CDH4: variants seen among roughly 807,000 people sequenced by gnomAD.
CDH4 encodes cadherin-4.
In CDH4, 33 loss-of-function variants were observed where a neutral mutation model predicts 86.0. The ratio of observed to expected loss-of-function variants is 0.38; its 90% CI spans 0.29 to 0.51. The LOEUF (loss-of-function observed/expected upper bound fraction) is 0.51. Among genes scored for constraint, CDH4 ranks in the 20% least tolerant of loss-of-function variants. The probability of loss-of-function intolerance (pLI) is 0.86; values close to 1 mark genes in which losing one functional copy is unlikely to be tolerated. For synonymous variants in CDH4, 555 were observed against 549.4 expected (o/e 1.01, Z -0.14); for missense variants, 1,114 against 1,307.4 (o/e 0.85, Z 2.28).
At chr20:61,276,535 G>A (rs191469294) in intron 2 of CDH4, among the ~76,000 whole-genome samples, 170 of 152,288 alleles carry the variant, frequency 1.1e-3, no homozygotes, top group African/African-American at 3.8e-3. Flanking sequence ...ATGCTATGTC[G>A]CTGCTGTCTT....
intron 8 of CDH4, among the ~76,000 whole-genome samples, chr20:61,897,028 T>C (rs2094537915): frequency 6.6e-6 from 1 of 152,140 alleles, no homozygotes; most frequent in Non-Finnish European, 1.5e-5. Context: ...GTCCCTGACC[T>C]GCACATGCTC....
At chr20:61,876,630 G>T (rs753993040) in intron 7 of CDH4, among the ~76,000 whole-genome samples, 14 of 152,098 alleles carry the variant, frequency 9.2e-5, no homozygotes, top group Admixed American at 8.5e-4. Flanking sequence ...CGGGGTTTTC[G>T]TATTATAATG....
At chr20:61,639,847 T>G (rs912568208) in intron 2 of CDH4, among the ~76,000 whole-genome samples, 1 of 152,178 alleles carries the variant, frequency 6.6e-6, no homozygotes, top group Admixed American at 6.5e-5. Context: ...AGAATACCAT[T>G]GTGAACAGAA....
In CDH4 at chr20:61,764,003, T is replaced by G. The variant is rs66607795; in HGVS notation, c.397-9000T>G. 6.4e-3 allele frequency among the ~76,000 whole-genome samples: 980 copies of G among 152,064 alleles called. 8 individuals are homozygous for G. Among genetic ancestry groups the G allele is most frequent in the African/African-American group, 0.023 (935 of 41,494 alleles). On this transcript the variant is annotated intron_variant, in intron 3 of 15. Coordinates refer to ENST00000614565, the MANE Select transcript of CDH4 (RefSeq NM_001794.5). ...GCATTCTTTGTCTCTCGCTTGCGAG[T>G]GATGAGGGGAGGGAAATGATCCGAG...
At chr20:61,499,311 A>G in intron 2 of CDH4, 1 of 464,400 alleles carries the variant, frequency 2.2e-6, no homozygotes, top group Non-Finnish European at 3.8e-6. Context: ...CACTCTGGCC[A>G]GGTACTTTCA....
intron 2 of CDH4, among the ~76,000 whole-genome samples, chr20:61,496,804 G>A (rs1255543431): frequency 2.0e-5 from 3 of 152,194 alleles, no homozygotes; most frequent in African/African-American, 7.2e-5. Flanking sequence ...TGTGTTCTTT[G>A]GATGTGCTGT....
chr20:61,887,490 T>C (rs1304389006), intron 7 of CDH4, among the ~76,000 whole-genome samples: 1 of 152,154 alleles, frequency 6.6e-6, no homozygotes, highest in African/African-American at 2.4e-5. Flanking sequence ...CACACAGGCA[T>C]GCACACTCGT....
intron 2 of CDH4, among the ~76,000 whole-genome samples, chr20:61,736,587 G>A (rs935010217): frequency 6.6e-6 from 1 of 151,966 alleles, no homozygotes; most frequent in Non-Finnish European, 1.5e-5. Flanking sequence ...TCATGCGAAT[G>A]GATGAAGGGG....
At chr20:61,786,357 C>T (rs370023545) in intron 4 of CDH4, among the ~76,000 whole-genome samples, 7 of 152,204 alleles carry the variant, frequency 4.6e-5, no homozygotes, top group African/African-American at 1.7e-4. Flanking sequence ...CTGCAGTCTG[C>T]GAGTCGCCCG....
At chr20:61,777,948 C>T (rs553680377) in intron 4 of CDH4, among the ~76,000 whole-genome samples, 6 of 150,890 alleles carry the variant, frequency 4.0e-5, no homozygotes, top group African/African-American at 1.5e-4. Context: ...ACTATACACA[C>T]ATGCACACAC....
intron 2 of CDH4, among the ~76,000 whole-genome samples, chr20:61,444,271 G>GTCTT (rs1346160347): frequency 9.3e-4 from 39 of 41,752 alleles, no homozygotes; most frequent in Non-Finnish European, 1.5e-3. Context: ...ATGTGTGTGT[G>GTCTT]TGTATGTGTA....
intron 2 of CDH4, among the ~76,000 whole-genome samples, chr20:61,312,839 T>G (rs1445114212): frequency 1.3e-5 from 2 of 152,154 alleles, no homozygotes; most frequent in East Asian, 3.9e-4. Flanking sequence ...CAGTCCCTCC[T>G]CTCCAGCCTG....
intron 2 of CDH4, among the ~76,000 whole-genome samples, chr20:61,733,985 C>T (rs1001623435): frequency 4.6e-5 from 7 of 152,264 alleles, no homozygotes; most frequent in Non-Finnish European, 1.5e-5. Context: ...AAGCGGAGCG[C>T]ATGTCACTCA....
At chr20:61,292,682 C>T (rs1000737137) in intron 2 of CDH4, among the ~76,000 whole-genome samples, 2 of 152,262 alleles carry the variant, frequency 1.3e-5, no homozygotes, top group Non-Finnish European at 1.5e-5. Flanking sequence ...GACCTGCAGA[C>T]GCACAGCGCA....
chr20:61,340,394 G>T (rs1488397943), intron 2 of CDH4, among the ~76,000 whole-genome samples: 1 of 152,188 alleles, frequency 6.6e-6, no homozygotes, highest in Admixed American at 6.5e-5. Context: ...TCCATCGTGG[G>T]TGAATAAACC....
At chr20:61,892,132 T>A (rs534037106) in intron 7 of CDH4, among the ~76,000 whole-genome samples, 1 of 152,232 alleles carries the variant, frequency 6.6e-6, no homozygotes, top group African/African-American at 2.4e-5. Context: ...ATAATAGTGA[T>A]GCGCAGATTC....
At position 61,258,039 on chromosome 20, in the gene CDH4, G is replaced by T. The variant is rs554008156; in HGVS notation, c.169+3102G>T. Among the ~76,000 whole-genome samples the T allele has an allele frequency of 1.0e-3, 152 of 152,312 alleles. 1 individual carries two copies. The highest frequency in any genetic ancestry group is 3.2e-3 in the African/African-American group (135 of 41,586). On this transcript the variant is annotated intron_variant, in intron 2 of 15. Coordinates refer to ENST00000614565, the MANE Select transcript of CDH4 (RefSeq NM_001794.5). ...CACTATGGGCCACAGAGTATAGAAA[G>T]AGGAGCTTGGCTGGGTGCGGTGGCT...
At chr20:61,924,200 G>A (rs992888928) in intron 10 of CDH4, 134 bp from the exon 11 acceptor site, 2 of 889,368 alleles carry the variant, frequency 2.2e-6, no homozygotes, top group Admixed American at 5.1e-5. Flanking sequence ...GGAGGACAAG[G>A]CCTGGGGGGC....
At chr20:61,524,297 A>G (rs548170097) in intron 2 of CDH4, among the ~76,000 whole-genome samples, 9 of 152,040 alleles carry the variant, frequency 5.9e-5, no homozygotes, top group Non-Finnish European at 1.3e-4. Flanking sequence ...GCACGTGAAA[A>G]CCCGGGGAAA....
Sources: allele counts gnomAD v4.1 joint callset (sites outside exome capture counted in the v4.1 genomes callset), GRCh38; gene constraint gnomAD v4.1.1; transcripts MANE v1.5; gene names NCBI Gene and HGNC (gene_info 2026-07-23, HGNC 2026-07-21).